The following ALKAL1 variants were observed in gnomAD, a reference collection of about 807,000 sequenced individuals.
The protein encoded by ALKAL1 is AUG-beta.
A neutral mutation model predicts 13.5 loss-of-function variants in ALKAL1; 23 were observed. That is an observed-to-expected ratio of 1.70 (90% CI 1.23 to 2.41). ALKAL1 has a LOEUF of 2.41. ALKAL1 is among the 30% of genes most tolerant of loss of function. ALKAL1 has a pLI of 0.00. For missense variants in ALKAL1, 181 were observed against 178.4 expected (o/e 1.01, Z -0.08); for synonymous variants, 85 against 77.7 (o/e 1.09, Z -0.49).
intron 1 of ALKAL1, among the ~76,000 whole-genome samples, chr8:52,548,428 T>G (rs1847394431): frequency 6.6e-6 from 1 of 151,994 alleles, no homozygotes; most frequent in African/African-American, 2.4e-5. Context: ...AGTGCTAGTG[T>G]TCTATAGCAC....
intron 1 of ALKAL1, among the ~76,000 whole-genome samples, chr8:52,558,588 C>A (rs1387945470): frequency 1.3e-5 from 2 of 152,004 alleles, no homozygotes; most frequent in Non-Finnish European, 2.9e-5. Context: ...CTCTTCATTG[C>A]TTTCCTGCAG....
chr8:52,554,980 G>A (rs1847467831), intron 1 of ALKAL1, among the ~76,000 whole-genome samples: 1 of 152,088 alleles, frequency 6.6e-6, no homozygotes, highest in Non-Finnish European at 1.5e-5. Flanking sequence ...GACCATCCTG[G>A]CTAACACGGA....
At chr8:52,549,836 A>G (rs1335200859) in intron 1 of ALKAL1, among the ~76,000 whole-genome samples, 1 of 151,964 alleles carries the variant, frequency 6.6e-6, no homozygotes, top group East Asian at 1.9e-4. Flanking sequence ...CAGCTACTCG[A>G]GAGGCCGAGG....
At chr8:52,564,986 G>A (rs888378332) in intron 1 of ALKAL1, 81 bp downstream of exon 1, 3 of 1,145,536 alleles carry the variant, frequency 2.6e-6, no homozygotes, top group African/African-American at 3.2e-5. Flanking sequence ...TTCCCAAAGC[G>A]AGTGCCTCGC....
intron 1 of ALKAL1, among the ~76,000 whole-genome samples, chr8:52,559,221 CT>C (rs1482445013): frequency 6.6e-6 from 1 of 152,130 alleles, no homozygotes; most frequent in Non-Finnish European, 1.5e-5. Context: ...CCAGAGCATG[CT>C]TGTATAGTGA....
chr8:52,548,910 C>T (rs1399667586), intron 1 of ALKAL1, among the ~76,000 whole-genome samples: 1 of 151,958 alleles, frequency 6.6e-6, no homozygotes, highest in African/African-American at 2.4e-5. Context: ...GGCATACTAT[C>T]TCTTATTCTT....
intron 2 of ALKAL1, 62 bp from the exon 3 acceptor site, chr8:52,539,973 A>C: frequency 1.4e-6 from 2 of 1,435,622 alleles, no homozygotes; most frequent in East Asian, 4.5e-5. Flanking sequence ...CAAATTTCCT[A>C]GCACTTTATG....
At chr8:52,557,986 G>A (rs1347697753) in intron 1 of ALKAL1, among the ~76,000 whole-genome samples, 2 of 142,544 alleles carry the variant, frequency 1.4e-5, no homozygotes, top group African/African-American at 2.6e-5. Context: ...AAAAAAAGAA[G>A]AAGAAGTATA....
At position 52,538,910 on chromosome 8, in the gene ALKAL1, C is replaced by CTTAT. The variant is rs903346420; in HGVS notation, c.326-407_326-404dup. Among the ~76,000 whole-genome samples the CTTAT allele has an allele frequency of 6.2e-4, 94 of 151,232 alleles. 1 individual carries two copies. The highest frequency in any genetic ancestry group is 2.3e-3 in the East Asian group (12 of 5,158). Reference sequence around the variant, plus strand: ...TTTGGAATTTTAATTTATTTATTTACTTATTTATTTATTTATTTATTTAGA... The same window carrying CTTAT: ...TTTGGAATTTTAATTTATTTATTTACTTATTTATTTATTTATTTATTTATTTAGA... On this transcript the variant is annotated intron_variant, in intron 3 of 4. Coordinates refer to ENST00000358543, the MANE Select transcript of ALKAL1 (RefSeq NM_207413.4).
chr8:52,561,135 T>TTTA (rs1468455642), intron 1 of ALKAL1, among the ~76,000 whole-genome samples: 1 of 152,302 alleles, frequency 6.6e-6, no homozygotes, highest in African/African-American at 2.4e-5. Flanking sequence ...GCAAAAATTT[T>TTTA]TTATTATTTA....
chr8:52,562,196 A>C (rs1847557668), intron 1 of ALKAL1, among the ~76,000 whole-genome samples: 2 of 152,190 alleles, frequency 1.3e-5, no homozygotes, highest in Admixed American at 1.3e-4. Context: ...TTCTTATCCC[A>C]GTAGGACACA....
intron 1 of ALKAL1, among the ~76,000 whole-genome samples, chr8:52,556,255 TAC>T (rs1018676794): frequency 6.6e-6 from 1 of 152,226 alleles, no homozygotes; most frequent in Non-Finnish European, 1.5e-5. Context: ...TTAAAAATTT[TAC>T]CAAAGTAATG....
rs576542768 is a variant in ALKAL1, at chr8:52,541,231, T to G, written c.244+1161A>C. 1.8e-4 allele frequency among the ~76,000 whole-genome samples: 27 copies of G among 152,150 alleles called. No individual in the cohort carries two copies. In the South Asian group the frequency reaches 5.6e-3, roughly 32 times the overall value. On this transcript the variant is annotated intron_variant, in intron 2 of 4. Coordinates refer to ENST00000358543, the MANE Select transcript of ALKAL1 (RefSeq NM_207413.4). ...TGGCTCACAACTATAATCCCAATGC[T>G]TTGGGAGGCCAAGGCAGGAGGATCA...
In ALKAL1 at chr8:52,537,755, T is replaced by TA. The variant is rs879662343; in HGVS notation, c.*12+675dup. Among the ~76,000 whole-genome samples the TA allele has an allele frequency of 1.1e-3, 148 of 140,174 alleles. 1 individual carries two copies. The highest frequency in any genetic ancestry group is 6.0e-3 in the East Asian group (29 of 4,864). 92.0% of individuals were successfully genotyped at this position (140,174 alleles called of 152,430 possible). A position where few individuals can be genotyped will look rare whatever the true frequency, so the allele number is the denominator to read the frequency against. On this transcript the variant is annotated intron_variant, in intron 4 of 4. Transcript: ENST00000358543. ...AATATTCTCACTCATATGAGGGAGC[T>TA]AAAAAAAAAAAAGCTCATAGAAGTA...
intron 3 of ALKAL1, among the ~76,000 whole-genome samples, chr8:52,538,874 TTTTA>T (rs1328113114): frequency 6.6e-6 from 1 of 152,092 alleles, no homozygotes; most frequent in Non-Finnish European, 1.5e-5. Context: ...TTTTGTTTTA[TTTTA>T]TTTTATTTTG....
chr8:52,546,390 A>C (rs1038567350), intron 1 of ALKAL1, among the ~76,000 whole-genome samples: 1 of 152,176 alleles, frequency 6.6e-6, no homozygotes, highest in Non-Finnish European at 1.5e-5. Flanking sequence ...TTCCTCATTA[A>C]AGTTCGTCTT....
chr8:52,549,955 T>C (rs957130439), intron 1 of ALKAL1, among the ~76,000 whole-genome samples: 5 of 151,948 alleles, frequency 3.3e-5, no homozygotes, highest in African/African-American at 1.2e-4. Context: ...AATAAATAAA[T>C]ACATAAAAAT....
rs939545728 is a variant in ALKAL1 at position 52,565,364 on chromosome 8, G to C, written c.-108C>G. On this transcript the variant is annotated 5_prime_UTR_variant, in exon 1 of 5. Transcript: ENST00000358543. ...CAGCGGGACCACAGCGCGGCTACGCGGCCGGCCGCAGTCTTCACCGCGCGC... is the reference window on the plus strand; with the variant it reads ...CAGCGGGACCACAGCGCGGCTACGCCGCCGGCCGCAGTCTTCACCGCGCGC... 1 of 937,572 alleles carries C rather than the reference G, an allele frequency of 1.1e-6. No homozygotes were observed. Among genetic ancestry groups the C allele is most frequent in the Non-Finnish European group, 1.4e-6 (1 of 706,866 alleles). The allele number at this position is 937,572 out of a possible 1,614,324, so 58.1% of individuals were successfully genotyped here.
intron 1 of ALKAL1, among the ~76,000 whole-genome samples, chr8:52,542,931 C>G (rs1208901753): frequency 6.6e-6 from 1 of 152,254 alleles, no homozygotes; most frequent in East Asian, 1.9e-4. Flanking sequence ...CCCAAGCCAT[C>G]GTCCTTTTGT....
Sources: gnomAD v4.1 joint callset for allele counts (sites outside exome capture counted in the v4.1 genomes callset) on GRCh38, gnomAD v4.1.1 for gene constraint, MANE v1.5 for transcripts, NCBI Gene and HGNC (gene_info 2026-07-23, HGNC 2026-07-21) for gene names.